HROB: variants seen among roughly 807,000 people sequenced by gnomAD.
HROB encodes homologous recombination OB-fold protein.
In HROB, 44 loss-of-function variants were observed where a neutral mutation model predicts 61.0. The observed-to-expected ratio is 0.72, with a 90% CI of 0.57 to 0.93. The LOEUF (loss-of-function observed/expected upper bound fraction) is 0.93. Among genes scored for constraint, HROB ranks in the 40% least tolerant of loss-of-function variants. HROB has a pLI of 0.00. For synonymous variants in HROB, 301 were observed against 310.4 expected (o/e 0.97, Z 0.32); for missense variants, 716 against 796.2 (o/e 0.90, Z 1.21).
intron 5 of HROB, among the ~76,000 whole-genome samples, chr17:44,154,173 C>A (rs977019519): frequency 6.6e-6 from 1 of 152,034 alleles, no homozygotes; most frequent in African/African-American, 2.4e-5. Context: ...GAAACCCTGT[C>A]TCTACTAAAA....
intron 9 of HROB, among the ~76,000 whole-genome samples, chr17:44,161,142 G>C (rs1042761590): frequency 1.3e-5 from 2 of 151,420 alleles, no homozygotes; most frequent in African/African-American, 2.4e-5. Context: ...GGCGGAGCTT[G>C]CAGTGAGCCG....
At chr17:44,152,576 C>T in intron 4 of HROB, 61 bp from the exon 5 acceptor site, 1 of 1,566,820 alleles carries the variant, frequency 6.4e-7, no homozygotes, top group Non-Finnish European at 8.7e-7. Flanking sequence ...CTGTTTCAAT[C>T]AAGAGTCTGT....
At position 44,142,005 on chromosome 17, in the gene HROB, T is replaced by G; in HGVS notation, c.-138T>G. 8.1e-7 allele frequency: 1 copy of G among 1,236,244 alleles called. No homozygotes were observed. The highest frequency in any genetic ancestry group is 2.9e-5 in the East Asian group (1 of 34,066). The allele number at this position is 1,236,244 out of a possible 1,614,324, so 76.6% of individuals were successfully genotyped here. A position where few individuals can be genotyped will look rare whatever the true frequency, so the allele number is the denominator to read the frequency against. Reference sequence around the variant, plus strand: ...GCGACTTTCCCTATATCGCAGAGACTCATCCCTCTGACCCCAGCCCGGAAG... The same window carrying G: ...GCGACTTTCCCTATATCGCAGAGACGCATCCCTCTGACCCCAGCCCGGAAG... On this transcript the variant is annotated 5_prime_UTR_variant, in exon 1 of 10. Transcript: ENST00000585683.
chr17:44,154,191 A>T (rs570665527), intron 5 of HROB, among the ~76,000 whole-genome samples: 2 of 151,946 alleles, frequency 1.3e-5, no homozygotes, highest in African/African-American at 4.8e-5. Context: ...AAAATACAAA[A>T]ATTAGCCGGG....
intron 5 of HROB, among the ~76,000 whole-genome samples, chr17:44,153,133 A>G (rs1456138120): frequency 1.3e-5 from 2 of 152,198 alleles, no homozygotes; most frequent in Admixed American, 1.3e-4. Context: ...TTATGATGGA[A>G]CATTGTGTAA....
At chr17:44,159,752 C>G (rs1301391279) in intron 9 of HROB, among the ~76,000 whole-genome samples, 1 of 152,220 alleles carries the variant, frequency 6.6e-6, no homozygotes, top group Admixed American at 6.5e-5. Context: ...TTTTTCTGTG[C>G]ACTTATCAGA....
intron 5 of HROB, 95 bp from the exon 6 acceptor site, chr17:44,154,461 C>T (rs2053910445): frequency 1.1e-5 from 12 of 1,114,436 alleles, no homozygotes; most frequent in African/African-American, 1.5e-5. Flanking sequence ...TATACTCTGA[C>T]CCCTCCTAAC....
Position 44,162,103 on chromosome 17 carries a change from G to A in HROB, c.*171G>A, listed in dbSNP as rs1379996487. On this transcript the variant is annotated 3_prime_UTR_variant, in exon 10 of 10. Coordinates refer to ENST00000585683, the MANE Select transcript of HROB (RefSeq NM_001171251.3). Reference sequence around the variant, plus strand: ...TCCCTGAGAGCCCCCTCATCTCTGCGCTGCCCTCACTTTGGGCCTTCCTTT... The same window carrying A: ...TCCCTGAGAGCCCCCTCATCTCTGCACTGCCCTCACTTTGGGCCTTCCTTT... 2.2e-5 allele frequency: 14 copies of A among 637,792 alleles called. No individual in the cohort carries two copies. In the Admixed American group the frequency reaches 3.5e-4, roughly 16 times the overall value. 39.5% of individuals were successfully genotyped at this position (637,792 alleles called of 1,614,324 possible).
At chr17:44,161,546 G>C (rs2054140030) in intron 9 of HROB, among the ~76,000 whole-genome samples, 1 of 152,214 alleles carries the variant, frequency 6.6e-6, no homozygotes, top group Admixed American at 6.5e-5. Flanking sequence ...AGTTGCACTA[G>C]GTGACCTCTG....
At chr17:44,144,653 G>T (rs2053559383) in intron 1 of HROB, among the ~76,000 whole-genome samples, 1 of 151,832 alleles carries the variant, frequency 6.6e-6, no homozygotes, top group South Asian at 2.1e-4. Context: ...GGGCTCTAGG[G>T]ATCCACCCAC....
intron 4 of HROB, 117 bp from the exon 5 acceptor site, chr17:44,152,520 A>T: frequency 1.7e-6 from 2 of 1,205,224 alleles, no homozygotes; most frequent in African/African-American, 1.5e-5. Context: ...CCATTGTACT[A>T]CAGTTTTTCC....
At chr17:44,145,817 A>G (rs1034219403) in intron 2 of HROB, among the ~76,000 whole-genome samples, 1 of 152,246 alleles carries the variant, frequency 6.6e-6, no homozygotes, top group African/African-American at 2.4e-5. Flanking sequence ...CCACACACCA[A>G]TTAAATCAGA....
At position 44,142,153 on chromosome 17, in the gene HROB, C is replaced by G; in HGVS notation, c.3+8C>G. ...CCACCCGCCGTCGCTATGGTAATGC[C>G]GCGCCCAGCTTGGGGGCTGGCGGGC... On this transcript the variant is annotated splice_region_variant and intron_variant, in intron 1 of 9. Transcript: ENST00000585683. The G allele has an allele frequency of 6.6e-7, 1 of 1,523,138 alleles. No homozygotes were observed. Among genetic ancestry groups the G allele is most frequent in the Non-Finnish European group, 8.8e-7 (1 of 1,140,522 alleles). 94.4% of individuals were successfully genotyped at this position (1,523,138 alleles called of 1,614,324 possible). A position where few individuals can be genotyped will look rare whatever the true frequency, so the allele number is the denominator to read the frequency against.
rs575056804 is a variant in HROB at position 44,144,082 on chromosome 17, A to G, written c.4-1121A>G. Among the ~76,000 whole-genome samples the G allele has an allele frequency of 1.1e-4, 16 of 145,770 alleles. No individual in the cohort carries two copies. In the South Asian group the frequency reaches 2.2e-3, roughly 20 times the overall value. On this transcript the variant is annotated intron_variant, in intron 1 of 9. Transcript: ENST00000585683. ...AACCTCTACCTCCCGGGTTCAAGCA[A>G]TTCTCCTGCCTTAGCCTTCCAAGTA...
Position 44,147,995 on chromosome 17 carries a change from C to T in HROB, c.192C>T (p.His64=). ...AGTCCTCCAGGCTGCTGCTGTTACACCCCACTGCTCCCTCAGAGGCTTTGG... is the reference window on the plus strand; with the variant it reads ...AGTCCTCCAGGCTGCTGCTGTTACATCCCACTGCTCCCTCAGAGGCTTTGG... ...QAQSSRLLLL[H]PTAPSEALGL... is the part of the protein sequence containing the mutation. The change falls in exon 3 of 10, where the codon CAC becomes CAT. Residue 64 remains histidine, a synonymous_variant. Transcript: ENST00000585683. 6.2e-7 allele frequency: 1 copy of T among 1,613,960 alleles called. No homozygotes were observed.
At chr17:44,151,495 A>T (rs534501468) in intron 4 of HROB, among the ~76,000 whole-genome samples, 1 of 152,252 alleles carries the variant, frequency 6.6e-6, no homozygotes, top group African/African-American at 2.4e-5. Context: ...CTCTGCCCTC[A>T]AACCCAGTTT....
chr17:44,154,678 T>C lies in HROB; in HGVS notation c.1558+14T>C. ...AGGACCCCACGGGTAAGGAATTAGG[T>C]CCTAGGTTGTCTGGTGAGTGGGCTC... On this transcript the variant is annotated intron_variant, in intron 6 of 9. Coordinates refer to ENST00000585683, the MANE Select transcript of HROB (RefSeq NM_001171251.3). 6.2e-7 allele frequency: 1 copy of C among 1,612,908 alleles called. No homozygotes were observed. The highest frequency in any genetic ancestry group is 8.5e-7 in the Non-Finnish European group (1 of 1,179,052).
At position 44,142,013 on chromosome 17, in the gene HROB, C is replaced by G. The variant is rs1487253904; in HGVS notation, c.-130C>G. ...CCCTATATCGCAGAGACTCATCCCTCTGACCCCAGCCCGGAAGCACTGTCC... is the reference window on the plus strand; with the variant it reads ...CCCTATATCGCAGAGACTCATCCCTGTGACCCCAGCCCGGAAGCACTGTCC... On this transcript the variant is annotated 5_prime_UTR_variant, in exon 1 of 10. Transcript: ENST00000585683. 2 of 1,327,590 alleles carry G rather than the reference C, an allele frequency of 1.5e-6. No homozygotes were observed. The highest frequency in any genetic ancestry group is 2.0e-6 in the Non-Finnish European group (2 of 977,212). The allele number at this position is 1,327,590 out of a possible 1,614,324, so 82.2% of individuals were successfully genotyped here.
At chr17:44,153,489 C>A (rs183096087) in intron 5 of HROB, among the ~76,000 whole-genome samples, 3 of 152,060 alleles carry the variant, frequency 2.0e-5, no homozygotes, top group African/African-American at 7.2e-5. Context: ...CGTGGTGGCT[C>A]ACACCTATAA....
Sources: allele counts gnomAD v4.1 joint callset (sites outside exome capture counted in the v4.1 genomes callset), GRCh38; gene constraint gnomAD v4.1.1; transcripts MANE v1.5; gene names NCBI Gene and HGNC (gene_info 2026-07-23, HGNC 2026-07-21).